WWOX: variants seen among roughly 807,000 people sequenced by gnomAD.
The protein encoded by WWOX is WW domain containing oxidoreductase, also known as WW domain-containing oxidoreductase.
A neutral mutation model predicts 46.2 loss-of-function variants in WWOX; 69 were observed. The ratio of observed to expected loss-of-function variants is 1.49; its 90% CI spans 1.23 to 1.82. The LOEUF (loss-of-function observed/expected upper bound fraction) is 1.82. Among genes scored for constraint, WWOX ranks in the 40% most tolerant of loss-of-function variants. The pLI is 0.00. For missense variants in WWOX, 919 were observed against 542.6 expected (o/e 1.69, Z -6.89); for synonymous variants, 359 against 202.6 (o/e 1.77, Z -6.56).
chr16:79,122,029 C>G (rs1253723761), intron 8 of WWOX, among the ~76,000 whole-genome samples: 6 of 152,120 alleles, frequency 3.9e-5, no homozygotes, highest in African/African-American at 1.4e-4. Flanking sequence ...GCATTAATTC[C>G]TTACAACCCT....
intron 5 of WWOX, chr16:78,355,733 A>G: frequency 1.4e-6 from 1 of 720,920 alleles, no homozygotes; most frequent in Non-Finnish European, 2.4e-6. Flanking sequence ...TGATGAGGAA[A>G]CATATGAAGA....
intron 8 of WWOX, among the ~76,000 whole-genome samples, chr16:78,809,090 G>C (rs954684174): frequency 6.6e-5 from 10 of 151,952 alleles, no homozygotes; most frequent in Non-Finnish European, 1.3e-4. Flanking sequence ...AGGACACACG[G>C]CGTTCTGCAC....
rs531850663 is a variant in WWOX at position 78,867,636 on chromosome 16, G to A, written c.1057-343972G>A. On this transcript the variant is annotated intron_variant, in intron 8 of 8. Transcript: ENST00000566780. ...GTTCACTGCAACTACAACATCCCAG[G>A]TTCAAGAGAGTCTCCCACCTCAGCC... Among the ~76,000 whole-genome samples the A allele has an allele frequency of 1.8e-4, 28 of 152,110 alleles. No homozygotes were observed. In the South Asian group the frequency reaches 5.6e-3, roughly 30 times the overall value.
intron 4 of WWOX, among the ~76,000 whole-genome samples, chr16:78,149,594 A>T (rs1369091048): frequency 2.2e-4 from 34 of 152,228 alleles, no homozygotes; most frequent in Admixed American, 2.2e-3. Context: ...GAGCACTGGT[A>T]GGCTGTTGAT....
intron 5 of WWOX, among the ~76,000 whole-genome samples, chr16:78,247,926 A>G (rs1271218322): frequency 6.6e-6 from 1 of 152,250 alleles, no homozygotes; most frequent in African/African-American, 2.4e-5. Flanking sequence ...GTGGGGATTG[A>G]AGCACATATC....
chr16:79,102,159 A>G (rs1005076841), intron 8 of WWOX, among the ~76,000 whole-genome samples: 1 of 151,854 alleles, frequency 6.6e-6, no homozygotes, highest in African/African-American at 2.4e-5. Context: ...ATAGTTTTTG[A>G]GGAATCAGTG....
intron 8 of WWOX, among the ~76,000 whole-genome samples, chr16:78,857,303 C>A (rs1223664845): frequency 6.6e-6 from 1 of 152,026 alleles, no homozygotes; most frequent in Non-Finnish European, 1.5e-5. Context: ...GGAAATTGAA[C>A]AATGAGATAC....
intron 8 of WWOX, among the ~76,000 whole-genome samples, chr16:78,905,898 AC>A (rs2044951062): frequency 6.6e-6 from 1 of 152,180 alleles, no homozygotes; most frequent in South Asian, 2.1e-4. Context: ...GTGTCGGAGC[AC>A]CCAGCCATCC....
intron 8 of WWOX, among the ~76,000 whole-genome samples, chr16:79,019,262 G>A (rs1444214989): frequency 6.7e-6 from 1 of 150,026 alleles, no homozygotes; most frequent in Non-Finnish European, 1.5e-5. Context: ...AGAAATGCAT[G>A]GTTAGGTGGT....
In WWOX at chr16:78,613,080, C is replaced by T. The variant is rs114787786; in HGVS notation, c.1056+180328C>T. Among the ~76,000 whole-genome samples, 409 of 152,258 alleles carry T rather than the reference C, an allele frequency of 2.7e-3. 2 individuals are homozygous for T. The highest frequency in any genetic ancestry group is 9.3e-3 in the African/African-American group (387 of 41,560). The stretch of plus-strand genomic sequence containing the variant: ...TTTGTAGGAAACTGTGCTTTAGTAA[C>T]TCATGGTTTCTGCCCTCAGCTTCTC... On this transcript the variant is annotated intron_variant, in intron 8 of 8. Coordinates refer to ENST00000566780, the MANE Select transcript of WWOX (RefSeq NM_016373.4).
At chr16:78,116,581 G>A (rs901486163) in intron 4 of WWOX, among the ~76,000 whole-genome samples, 1 of 152,114 alleles carries the variant, frequency 6.6e-6, no homozygotes, top group African/African-American at 2.4e-5. Context: ...TTCTGCATTG[G>A]AGTAAATTTT....
chr16:78,852,928 A>G (rs1402197956), intron 8 of WWOX, among the ~76,000 whole-genome samples: 2 of 152,194 alleles, frequency 1.3e-5, no homozygotes, highest in Non-Finnish European at 2.9e-5. Flanking sequence ...CTTTCTTCTC[A>G]TCATTAAATG....
intron 5 of WWOX, among the ~76,000 whole-genome samples, chr16:78,182,998 C>T (rs1040495580): frequency 6.6e-6 from 1 of 150,938 alleles, no homozygotes; most frequent in African/African-American, 2.4e-5. Context: ...TTTTTCCTCC[C>T]AAGAACTCAT....
intron 8 of WWOX, among the ~76,000 whole-genome samples, chr16:78,697,229 G>C (rs1156892987): frequency 6.6e-6 from 1 of 152,142 alleles, no homozygotes; most frequent in East Asian, 1.9e-4. Context: ...AGTTCTTCAA[G>C]AACTCTCCAC....
intron 8 of WWOX, among the ~76,000 whole-genome samples, chr16:78,912,576 C>T (rs1252220256): frequency 6.6e-6 from 1 of 152,018 alleles, no homozygotes; most frequent in Non-Finnish European, 1.5e-5. Flanking sequence ...GGTTATATCC[C>T]CAGCACTGTA....
chr16:78,730,391 C>G (rs1171312463), intron 8 of WWOX, among the ~76,000 whole-genome samples: 2 of 152,014 alleles, frequency 1.3e-5, no homozygotes, highest in African/African-American at 2.4e-5. Flanking sequence ...ACCAGGCACA[C>G]TAGCTCTATA....
chr16:79,012,834 C>T (rs2047338932), intron 8 of WWOX, among the ~76,000 whole-genome samples: 1 of 152,236 alleles, frequency 6.6e-6, no homozygotes, highest in South Asian at 2.1e-4. Flanking sequence ...GCCCCACCAA[C>T]ATGGCCCGTG....
chr16:78,104,273 G>T (rs562557530), intron 1 of WWOX, among the ~76,000 whole-genome samples: 2 of 61,634 alleles, frequency 3.2e-5, no homozygotes, highest in South Asian at 1.1e-3. Flanking sequence ...CACACACACT[G>T]GCTGTCCTCA....
intron 8 of WWOX, among the ~76,000 whole-genome samples, chr16:78,729,591 A>G (rs1055732513): frequency 6.6e-6 from 1 of 152,046 alleles, no homozygotes; most frequent in Non-Finnish European, 1.5e-5. Flanking sequence ...GCTGGAAGAG[A>G]TACTGGAAGA....
Sources: allele counts gnomAD v4.1 joint callset (sites outside exome capture counted in the v4.1 genomes callset), GRCh38; gene constraint gnomAD v4.1.1; transcripts MANE v1.5; gene names NCBI Gene and HGNC (gene_info 2026-07-23, HGNC 2026-07-21).